The following UGT2B11 variants were observed in gnomAD, a reference collection of about 807,000 sequenced individuals.
The protein encoded by UGT2B11 is UDP glucuronosyltransferase family 2 member B11.
Under a neutral mutation model 51.7 loss-of-function variants are expected in UGT2B11, and 49 were observed. The ratio of observed to expected loss-of-function variants is 0.95; its 90% confidence interval spans 0.75 to 1.20. The LOEUF (loss-of-function observed/expected upper bound fraction) is 1.20, where lower values mean the gene tolerates loss of function less well. UGT2B11 is among the 50% of genes most tolerant of loss of function. The probability of loss-of-function intolerance (pLI) is 0.00; values close to 1 mark genes in which losing one functional copy is unlikely to be tolerated. For synonymous variants in UGT2B11, 273 were observed against 209.0 expected, an observed-to-expected ratio of 1.31 and a Z score of -2.64; for missense variants, 810 against 622.1, an observed-to-expected ratio of 1.30 and a Z score of -3.21.
chr4:69,214,416 C>T lies in UGT2B11; in HGVS notation c.307G>A (p.Asp103Asn). The T allele has an allele frequency of 1.2e-6, 2 of 1,613,070 alleles. No individual in the cohort carries two copies. The highest frequency in any genetic ancestry group is 1.7e-6 in the Non-Finnish European group (2 of 1,179,498). The change falls in exon 1 of 6, where the codon GAT becomes AAT. Residue 103 changes from aspartate (D) to asparagine (N), a missense_variant. Physicochemically the swap from Asp to Asn is conservative, Grantham distance 23. Coordinates refer to ENST00000446444, the MANE Select transcript of UGT2B11 (RefSeq NM_001073.3). ...QVKRWSDIRK[D>N]SFWLYFSQEQ... ...TGTGAAAAATATAACCAAAAGCTAT[C>T]TTTTCGAATGTCTGACCATCTCTTA...
At chr4:69,215,435 C>T (rs185735138), upstream of UGT2B11, 1 of 151,984 alleles carries the variant, frequency 6.6e-6, no homozygotes, top group East Asian at 1.9e-4. Context: ...TTTTAAAGGA[C>T]CATCCGTAGA....
upstream of UGT2B11, among the ~76,000 whole-genome samples, chr4:69,217,033 A>C (rs1722291683): frequency 6.6e-6 from 1 of 152,052 alleles, no homozygotes; most frequent in African/African-American, 2.4e-5. Context: ...ATAGAAATTC[A>C]TTTTCTTTTT....
At chr4:69,216,544 A>G (rs940765861), upstream of UGT2B11, 5 of 151,402 alleles carry the variant, frequency 3.3e-5, no homozygotes, top group Non-Finnish European at 5.9e-5. Flanking sequence ...CAAAGACTGT[A>G]TTTCATCGGC....
At position 69,200,703 on chromosome 4, in the gene UGT2B11, T is replaced by C; in HGVS notation, c.1327A>G (p.Met443Val). 6.2e-7 allele frequency: 1 copy of C among 1,611,008 alleles called. No homozygotes were observed. The highest frequency in any genetic ancestry group is 8.5e-7 in the Non-Finnish European group (1 of 1,178,412). The stretch of plus-strand genomic sequence containing the variant: ...TCATGTTGAATTCTTGATAATTTCA[T>C]AATATTCTCTTTATATCTGAAGGAT... ...INDPLYKENI[M>V]KLSRIQHDQP... Residue 443 changes from methionine to valine, a missense_variant, in exon 6 of 6, where the codon ATG (methionine) becomes GTG (valine). Transcript: ENST00000446444.
intron 4 of UGT2B11, 130 bp downstream of exon 4, chr4:69,205,350 C>G (rs1333751206): frequency 8.1e-7 from 1 of 1,235,082 alleles, no homozygotes; most frequent in Admixed American, 2.4e-5. Flanking sequence ...TTCTTTTCCC[C>G]TAGGACTGGA....
At chr4:69,211,403 T>C (rs1722058736) in intron 2 of UGT2B11, among the ~76,000 whole-genome samples, 1 of 151,520 alleles carries the variant, frequency 6.6e-6, no homozygotes, top group Non-Finnish European at 1.5e-5. Context: ...AGGGTATCTG[T>C]CATCTATGAC....
intron 2 of UGT2B11, among the ~76,000 whole-genome samples, chr4:69,210,400 T>C (rs1722016931): frequency 6.6e-6 from 1 of 151,584 alleles, no homozygotes; most frequent in Non-Finnish European, 1.5e-5. Context: ...TCTTAAAATA[T>C]ATAGAAATTA....
rs556818140 is a variant in UGT2B11 at position 69,202,374 on chromosome 4, G to T, written c.1311-1655C>A. 6.6e-5 allele frequency among the ~76,000 whole-genome samples: 10 copies of T among 151,664 alleles called. 1 individual carries two copies. Among genetic ancestry groups the T allele is most frequent in the African/African-American group, 2.4e-4 (10 of 41,446 alleles). ...TGTAAATTTTTTTGAAGTGTATTTT[G>T]TTAATTTCCAAAATTTAAAGATATT... On this transcript the variant is annotated intron_variant, in intron 5 of 5. Coordinates refer to ENST00000446444, the MANE Select transcript of UGT2B11 (RefSeq NM_001073.3).
intron 5 of UGT2B11, 111 bp from the exon 6 acceptor site, chr4:69,200,830 G>A: frequency 8.1e-7 from 1 of 1,237,088 alleles, no homozygotes; most frequent in Admixed American, 3.1e-5. Flanking sequence ...AAATGTCAAA[G>A]AATTGACAGA....
chr4:69,224,674 C>G, the UGT2B11 span, among the ~76,000 whole-genome samples: 44 of 151,814 alleles, frequency 2.9e-4, no homozygotes, highest in Middle Eastern at 3.4e-3. Context: ...GCCAAAGGTT[C>G]TTGCCTTAGC....
chr4:69,215,834 C>G (rs1420543836), upstream of UGT2B11: 3 of 151,368 alleles, frequency 2.0e-5, no homozygotes, highest in Non-Finnish European at 4.4e-5. Flanking sequence ...TAAACACACT[C>G]CAACAGACCC....
the UGT2B11 span, among the ~76,000 whole-genome samples, chr4:69,223,786 C>T: frequency 3.3e-5 from 5 of 152,080 alleles, no homozygotes; most frequent in African/African-American, 4.8e-5. Context: ...CCCTCTCTTA[C>T]GGTGGTCCAG....
the UGT2B11 span, among the ~76,000 whole-genome samples, chr4:69,222,335 T>C: frequency 6.6e-6 from 1 of 152,370 alleles, no homozygotes; most frequent in East Asian, 1.9e-4. Context: ...TTCCTTAGCC[T>C]TTCTAGAAAA....
In UGT2B11 at chr4:69,200,593, T is replaced by C; in HGVS notation, c.1437A>G (p.Ala479=). 6.2e-7 allele frequency: 1 copy of C among 1,612,478 alleles called. No individual in the cohort carries two copies. Among genetic ancestry groups the C allele is most frequent in the African/African-American group, 1.3e-5 (1 of 74,880 alleles). ...ACTGGAACCAGGTGAGGTCATGGGCTGCAACTCGAAGGTGTTTGGCTCCTT... is the reference window on the plus strand; with the variant it reads ...ACTGGAACCAGGTGAGGTCATGGGCCGCAACTCGAAGGTGTTTGGCTCCTT... ...PHKGAKHLRV[A]AHDLTWFQYH... Residue 479 remains alanine (A), a synonymous_variant, in exon 6 of 6, where the codon GCA becomes GCG. Transcript: ENST00000446444.
intron 5 of UGT2B11, chr4:69,201,095 A>G (rs1375012398): frequency 6.2e-6 from 1 of 161,022 alleles, no homozygotes; most frequent in Non-Finnish European, 1.3e-5. Flanking sequence ...CACATCATGA[A>G]AAATGGGATA....
At chr4:69,208,688 G>A (rs956910264) in intron 2 of UGT2B11, among the ~76,000 whole-genome samples, 2 of 151,620 alleles carry the variant, frequency 1.3e-5, no homozygotes, top group African/African-American at 4.8e-5. Context: ...GTGTAAATAT[G>A]TGTGTATATG....
chr4:69,218,137 T>A (rs766101223), upstream of UGT2B11, among the ~76,000 whole-genome samples: 21 of 152,158 alleles, frequency 1.4e-4, no homozygotes, highest in Non-Finnish European at 8.8e-5. Flanking sequence ...GCTTCCTACT[T>A]TTTCACAGGT....
At chr4:69,205,717 T>A (rs535811441) in intron 3 of UGT2B11, 150 bp from the exon 4 acceptor site, 24 of 901,318 alleles carry the variant, frequency 2.7e-5, no homozygotes, top group Non-Finnish European at 3.7e-5. Context: ...CACATTTTAT[T>A]TTCTTAACTT....
At chr4:69,209,042 T>C (rs1721962273) in intron 2 of UGT2B11, among the ~76,000 whole-genome samples, 1 of 151,632 alleles carries the variant, frequency 6.6e-6, no homozygotes. Context: ...TCACTTAAAG[T>C]TTGTCAGAGT....
Sources: gnomAD v4.1 joint callset for allele counts (sites outside exome capture counted in the v4.1 genomes callset) on GRCh38, gnomAD v4.1.1 for gene constraint, MANE v1.5 for transcripts, NCBI Gene and HGNC (gene_info 2026-07-23, HGNC 2026-07-21) for gene names.